Variants in GPC3 observed in about 807,000 individuals in gnomAD.
GPC3 encodes the protein glypican-3.
Under a neutral mutation model 34.4 loss-of-function variants are expected in GPC3, and 3 were observed. That is an observed-to-expected ratio of 0.09 (90% CI 0.04 to 0.23). The LOEUF (loss-of-function observed/expected upper bound fraction) is 0.23. GPC3 is among the 10% of genes least tolerant of loss of function. The pLI, the probability that GPC3 is intolerant of heterozygous loss-of-function variation, is 1.00. For missense variants in GPC3, 351 were observed against 445.6 expected, an observed-to-expected ratio of 0.79 and a Z score of 1.91; for synonymous variants, 177 against 174.0, an observed-to-expected ratio of 1.02 and a Z score of -0.13.
At chrX:133,947,038 C>T (rs1160899481) in intron 2 of GPC3, among the ~76,000 whole-genome samples, 1 of 111,921 alleles carries the variant, frequency 8.9e-6, no homozygotes, top group Non-Finnish European at 1.9e-5. Flanking sequence ...TGCTTCATTA[C>T]TCCAATATCA....
intron 2 of GPC3, among the ~76,000 whole-genome samples, chrX:133,865,570 A>G (rs1027449392): frequency 2.7e-5 from 3 of 112,184 alleles, no homozygotes; most frequent in African/African-American, 9.7e-5. Flanking sequence ...GGTTGCTGCA[A>G]CAAAAATCTA....
intron 2 of GPC3, among the ~76,000 whole-genome samples, chrX:133,776,418 C>T (rs950162841): frequency 3.7e-4 from 41 of 111,366 alleles, no homozygotes; most frequent in African/African-American, 1.3e-3. Flanking sequence ...TATTCGAGAT[C>T]GCTAAACTGT....
intron 3 of GPC3, among the ~76,000 whole-genome samples, chrX:133,749,392 G>A (rs1327887382): frequency 8.9e-6 from 1 of 111,764 alleles, no homozygotes; most frequent in Admixed American, 9.5e-5. Flanking sequence ...ATGATGAGCC[G>A]AGTTTGAGAA....
At chrX:133,703,463 T>G (rs890826601) in intron 3 of GPC3, among the ~76,000 whole-genome samples, 1 of 106,758 alleles carries the variant, frequency 9.4e-6, no homozygotes, top group Admixed American at 1.0e-4. Flanking sequence ...CCAGGAAGTT[T>G]TTTTTTTTTT....
intron 2 of GPC3, among the ~76,000 whole-genome samples, chrX:133,941,950 C>T (rs759081791): frequency 8.1e-5 from 9 of 111,532 alleles, no homozygotes; most frequent in African/African-American, 2.6e-4. Flanking sequence ...ATAAAAGGTA[C>T]AAATGATCAA....
At position 133,734,601 on chromosome X, in the gene GPC3, G is replaced by A. The variant is rs182963944; in HGVS notation, c.1032+18881C>T. Among the ~76,000 whole-genome samples the A allele has an allele frequency of 1.9e-4, 21 of 108,960 alleles. No individual in the cohort carries two copies. The East Asian group carries it at 5.5e-3, about 29-fold the overall frequency. 94.6% of individuals were successfully genotyped at this position (108,960 alleles called of 115,157 possible). On this transcript the variant is annotated intron_variant, in intron 3 of 7. Transcript: ENST00000370818. ...AGAGAGAAGGAAGGAAGGAAGAAGGGAAGGAAAGAAAAAGAAAGAAAATGC... is the reference window on the plus strand; with the variant it reads ...AGAGAGAAGGAAGGAAGGAAGAAGGAAAGGAAAGAAAAAGAAAGAAAATGC...
intron 1 of GPC3, among the ~76,000 whole-genome samples, chrX:133,980,912 G>A (rs1053122507): frequency 8.9e-6 from 1 of 112,066 alleles, no homozygotes; most frequent in Non-Finnish European, 1.9e-5. Context: ...TCTAAAGATG[G>A]AAGTAGCAGA....
chrX:133,810,861 C>CAA (rs11433697), intron 2 of GPC3, among the ~76,000 whole-genome samples: 1,197 of 60,873 alleles, frequency 0.02, 24 homozygotes, highest in African/African-American at 0.046. Context: ...GACTCCGTCT[C>CAA]AAAAAAAAAA....
chrX:133,761,459 TAC>T (rs2071789977), intron 2 of GPC3, among the ~76,000 whole-genome samples: 1 of 112,108 alleles, frequency 8.9e-6, no homozygotes, highest in African/African-American at 3.2e-5. Context: ...TGTAAATATA[TAC>T]AGTCTTGCTT....
At position 133,789,603 on chromosome X, in the gene GPC3, GTTTTCTGA is replaced by G. The variant is rs767222014; in HGVS notation, c.338-35435_338-35428del. Among the ~76,000 whole-genome samples, 26 of 112,154 alleles carry G rather than the reference GTTTTCTGA, an allele frequency of 2.3e-4. 1 individual carries two copies. Among genetic ancestry groups the G allele is most frequent in the Admixed American group, 2.3e-3 (24 of 10,582 alleles). On this transcript the variant is annotated intron_variant, in intron 2 of 7. Transcript: ENST00000370818. ...TCTATGGACGACTAAAAGAGGCCAG[GTTTTCTGA>G]TTCTGAGTCTGCAATGCTTTCAACT...
At chrX:133,889,991 G>A (rs997862040) in intron 2 of GPC3, among the ~76,000 whole-genome samples, 8 of 109,843 alleles carry the variant, frequency 7.3e-5, no homozygotes, top group African/African-American at 1.7e-4. Flanking sequence ...GGATGGTCTC[G>A]ATCTCCTGAC....
At chrX:133,786,266 G>C (rs1030909103) in intron 2 of GPC3, among the ~76,000 whole-genome samples, 5 of 111,381 alleles carry the variant, frequency 4.5e-5, no homozygotes, top group Non-Finnish European at 5.7e-5. Context: ...GTGGTGGCAG[G>C]CACCTGTAAT....
chrX:133,680,456 T>C (rs2070929638), intron 5 of GPC3, among the ~76,000 whole-genome samples: 1 of 112,001 alleles, frequency 8.9e-6, no homozygotes. Flanking sequence ...CATCTGACCA[T>C]GTGGATCACT....
At chrX:133,814,000 C>T (rs1019498018) in intron 2 of GPC3, among the ~76,000 whole-genome samples, 5 of 111,909 alleles carry the variant, frequency 4.5e-5, no homozygotes, top group African/African-American at 1.3e-4. Context: ...GTAAAGGAGC[C>T]TAATATGCCC....
rs944145693 is a variant in GPC3, at chrX:133,849,473, A to G, written c.338-95297T>C. Reference sequence around the variant, plus strand: ...GTCAAGGTGTAACAATAATGTGTCCATAATTCACCATAATATCAGTATTCA... The same window carrying G: ...GTCAAGGTGTAACAATAATGTGTCCGTAATTCACCATAATATCAGTATTCA... On this transcript the variant is annotated intron_variant, in intron 2 of 7. Coordinates refer to ENST00000370818, the MANE Select transcript of GPC3 (RefSeq NM_004484.4). 4.5e-5 allele frequency among the ~76,000 whole-genome samples: 5 copies of G among 111,754 alleles called. No individual in the cohort carries two copies. The Admixed American group carries it at 4.7e-4, about 11-fold the overall frequency.
intron 7 of GPC3, among the ~76,000 whole-genome samples, chrX:133,564,446 G>A (rs2069566164): frequency 9.0e-6 from 1 of 111,165 alleles, no homozygotes; most frequent in East Asian, 2.8e-4. Context: ...ACGACAATGG[G>A]TGGTCATGAG....
At chrX:133,781,800 G>A (rs1039238216) in intron 2 of GPC3, among the ~76,000 whole-genome samples, 2 of 111,324 alleles carry the variant, frequency 1.8e-5, no homozygotes, top group African/African-American at 6.5e-5. Context: ...GTGAGTGCCC[G>A]CTCTGTGCCA....
intron 2 of GPC3, among the ~76,000 whole-genome samples, chrX:133,906,750 C>T (rs1400817211): frequency 2.7e-5 from 3 of 112,059 alleles, no homozygotes; most frequent in South Asian, 3.7e-4. Context: ...CAAAAGGTGC[C>T]TGGCTCTCTA....
At chrX:133,922,252 C>T (rs1004823006) in intron 2 of GPC3, among the ~76,000 whole-genome samples, 9 of 112,045 alleles carry the variant, frequency 8.0e-5, no homozygotes, top group African/African-American at 2.9e-4. Context: ...ACTGGTCCTA[C>T]GCCTTTCCCA....
Sources: gnomAD v4.1 joint callset for allele counts (sites outside exome capture counted in the v4.1 genomes callset) on GRCh38, gnomAD v4.1.1 for gene constraint, MANE v1.5 for transcripts, NCBI Gene and HGNC (gene_info 2026-07-23, HGNC 2026-07-21) for gene names.